IQCH: variants seen among roughly 807,000 people sequenced by gnomAD.
The protein encoded by IQCH is IQ motif containing H, also known as IQ domain-containing protein H.
A neutral mutation model predicts 117.0 loss-of-function variants in IQCH; 98 were observed. The observed-to-expected ratio is 0.84, with a 90% CI of 0.71 to 0.99. The LOEUF (loss-of-function observed/expected upper bound fraction) is 0.99. Among genes scored for constraint, IQCH ranks in the 50% least tolerant of loss-of-function variants. The probability of loss-of-function intolerance (pLI) is 0.00; values close to 1 mark genes in which losing one functional copy is unlikely to be tolerated. For missense variants in IQCH, 1,102 were observed against 1,243.8 expected, an observed-to-expected ratio of 0.89 and a Z score of 1.72; for synonymous variants, 412 against 448.2, an observed-to-expected ratio of 0.92 and a Z score of 1.02.
Position 67,395,491 on chromosome 15 carries a change from A to G in IQCH, c.1833A>G (p.Gly611=), listed in dbSNP as rs1971434691. 3.1e-6 allele frequency: 5 copies of G among 1,613,910 alleles called. No homozygotes were observed. The South Asian group carries it at 5.5e-5, about 18-fold the overall frequency. The change falls in exon 13 of 21, where the codon GGA becomes GGG. Residue 611 remains glycine (G), a synonymous_variant. Transcript: ENST00000335894. The surrounding 1 kb of genome is among the most constrained non-coding windows in gnomAD (Gnocchi z 4.0). The stretch of plus-strand genomic sequence containing the variant: ...CTCATCTTTATAGTACCAAATCTGG[A>G]GGCAAACGTGTCTTTGACAGTGCCA... The part of the protein sequence containing the change: ...ELAHLYSTKS[G]GKRVFDSANV...
chr15:67,260,523 A>G (rs1320303390), intron 1 of IQCH, among the ~76,000 whole-genome samples: 1 of 152,248 alleles, frequency 6.6e-6, no homozygotes, highest in African/African-American at 2.4e-5. Context: ...AGGCACTGAC[A>G]ACACATTTAC....
In IQCH at chr15:67,369,558, AAAGG is replaced by A. The variant is rs984729321; in HGVS notation, c.754-2547_754-2544del. On this transcript the variant is annotated intron_variant, in intron 8 of 20. Coordinates refer to ENST00000335894, the MANE Select transcript of IQCH (RefSeq NM_001031715.3). This position sits in a 1 kb window ranked among gnomAD's most constrained non-coding sequence, Gnocchi z 5.2. ...GGAAGGAGGGAGGGAGGAAGGAAGAAAAGGAAGGAGGGAGGAAAGAAGGCAGAGG... is the reference window on the plus strand; with the variant it reads ...GGAAGGAGGGAGGGAGGAAGGAAGAAAAGGAGGGAGGAAAGAAGGCAGAGG... Among the ~76,000 whole-genome samples the A allele has an allele frequency of 3.3e-5, 5 of 151,826 alleles. No individual in the cohort carries two copies. The highest frequency in any genetic ancestry group is 4.8e-5 in the African/African-American group (2 of 41,338).
intron 4 of IQCH, chr15:67,304,283 G>C (rs1967193294): frequency 1.2e-6 from 1 of 831,092 alleles, no homozygotes; most frequent in East Asian, 2.7e-5. Flanking sequence ...GATATAAAAT[G>C]TTAGTAAGCA....
In IQCH at chr15:67,456,807, C is replaced by T. The variant is rs182638271; in HGVS notation, c.2506-8320C>T. ...TTGAAAATCACGGAAGTCTTAGGTACGCCTGGCCCTGAGTGCTAAGTGGTG... is the reference window on the plus strand; with the variant it reads ...TTGAAAATCACGGAAGTCTTAGGTATGCCTGGCCCTGAGTGCTAAGTGGTG... On this transcript the variant is annotated intron_variant, in intron 16 of 20. Coordinates refer to ENST00000335894, the MANE Select transcript of IQCH (RefSeq NM_001031715.3). The surrounding 1 kb of genome is among the most constrained non-coding windows in gnomAD (Gnocchi z 5.1). Among the ~76,000 whole-genome samples the T allele has an allele frequency of 1.1e-4, 16 of 152,062 alleles. No individual in the cohort carries two copies. Among genetic ancestry groups the T allele is most frequent in the African/African-American group, 3.9e-4 (16 of 41,472 alleles).
rs1044148264 is a variant in IQCH, at chr15:67,366,967, G to T, written c.754-5144G>T. Among the ~76,000 whole-genome samples the T allele has an allele frequency of 6.6e-6, 1 of 152,056 alleles. No homozygotes were observed. The highest frequency in any genetic ancestry group is 6.6e-5 in the Admixed American group (1 of 15,256). On this transcript the variant is annotated intron_variant, in intron 8 of 20. Coordinates refer to ENST00000335894, the MANE Select transcript of IQCH (RefSeq NM_001031715.3). The surrounding 1 kb of genome is among the most constrained non-coding windows in gnomAD (Gnocchi z 4.4). ...CATTGGAGATAGTTGCCTTTGATTT[G>T]ATGGCTTTACTGGCTCCAGAAGTTT...
chr15:67,312,570 A>G (rs1355461747), intron 4 of IQCH, among the ~76,000 whole-genome samples: 1 of 152,160 alleles, frequency 6.6e-6, no homozygotes, highest in African/African-American at 2.4e-5. Flanking sequence ...CGTCTAGACT[A>G]CCAGCCCAGA....
In IQCH at chr15:67,391,278, G is replaced by A. The variant is rs1349629199; in HGVS notation, c.1632+2272G>A. On this transcript the variant is annotated intron_variant, in intron 12 of 20. Transcript: ENST00000335894. The surrounding 1 kb of genome is among the most constrained non-coding windows in gnomAD (Gnocchi z 4.3). ...AAATTATTTGAGTAATTACTCATAAGCAATCAACTTTTTAAAAATACAAAA... is the reference window on the plus strand; with the variant it reads ...AAATTATTTGAGTAATTACTCATAAACAATCAACTTTTTAAAAATACAAAA... Among the ~76,000 whole-genome samples, 2 of 152,174 alleles carry A rather than the reference G, an allele frequency of 1.3e-5. No homozygotes were observed. The highest frequency in any genetic ancestry group is 2.9e-5 in the Non-Finnish European group (2 of 68,032).
At chr15:67,418,323 G>A (rs1013067259) in intron 15 of IQCH, among the ~76,000 whole-genome samples, 11 of 152,078 alleles carry the variant, frequency 7.2e-5, no homozygotes, top group African/African-American at 2.4e-4. Context: ...ATTTAAGCAA[G>A]GGGTTGAATG....
intron 18 of IQCH, among the ~76,000 whole-genome samples, chr15:67,487,706 T>C (rs2083529964): frequency 6.6e-6 from 1 of 152,118 alleles, no homozygotes; most frequent in Non-Finnish European, 1.5e-5. Flanking sequence ...GCAGCCAGCG[T>C]TGGCAGCCAC....
rs866994987 is a variant in IQCH, at chr15:67,422,024, G to A, written c.2505+447G>A. Among the ~76,000 whole-genome samples, 2 of 151,940 alleles carry A rather than the reference G, an allele frequency of 1.3e-5. No homozygotes were observed. The highest frequency in any genetic ancestry group is 1.9e-4 in the East Asian group (1 of 5,176). On this transcript the variant is annotated intron_variant, in intron 16 of 20. Coordinates refer to ENST00000335894, the MANE Select transcript of IQCH (RefSeq NM_001031715.3). This position sits in a 1 kb window ranked among gnomAD's most constrained non-coding sequence, Gnocchi z 4.7. Reference sequence around the variant, plus strand: ...TGAGGCAGGAGAATCACTTGAACCCGGGAGGCAGAGGTTGCAATGAGCCGA... The same window carrying A: ...TGAGGCAGGAGAATCACTTGAACCCAGGAGGCAGAGGTTGCAATGAGCCGA...
chr15:67,337,191 A>G, intron 5 of IQCH, 96 bp downstream of exon 5: 2 of 1,395,988 alleles, frequency 1.4e-6, no homozygotes, highest in Non-Finnish European at 2.0e-6. Context: ...TGGCTCAGCC[A>G]CTAATTCTCC....
intron 12 of IQCH, among the ~76,000 whole-genome samples, chr15:67,392,837 A>T (rs7172956): frequency 0.017 from 2,546 of 151,456 alleles, 62 homozygotes; most frequent in African/African-American, 0.059. Flanking sequence ...GGCATATCGC[A>T]TAGATCTAAG....
At chr15:67,331,182 G>C (rs538482913) in intron 4 of IQCH, among the ~76,000 whole-genome samples, 10 of 152,220 alleles carry the variant, frequency 6.6e-5, no homozygotes, top group African/African-American at 2.4e-4. Flanking sequence ...CACAGCTAAC[G>C]AAAGCAAGGG....
chr15:67,428,370 G>A (rs2081940420), intron 16 of IQCH, among the ~76,000 whole-genome samples: 2 of 152,122 alleles, frequency 1.3e-5, no homozygotes, highest in Non-Finnish European at 2.9e-5. Context: ...ATTATTTCTG[G>A]ACAGCAAGAT....
rs113648499 is a variant in IQCH, at chr15:67,293,046, T to C, written c.387+13534T>C. Among the ~76,000 whole-genome samples, 3 of 152,320 alleles carry C rather than the reference T, an allele frequency of 2.0e-5. 1 individual carries two copies. The highest frequency in any genetic ancestry group is 7.2e-5 in the African/African-American group (3 of 41,562). ...GAACTATGGGTTAACATCCTGGCTCTATCACTTACTAGCTATACTTGGGCA... is the reference window on the plus strand; with the variant it reads ...GAACTATGGGTTAACATCCTGGCTCCATCACTTACTAGCTATACTTGGGCA... On this transcript the variant is annotated intron_variant, in intron 4 of 20. Coordinates refer to ENST00000335894, the MANE Select transcript of IQCH (RefSeq NM_001031715.3).
chr15:67,367,257 T>G (rs1970365601), intron 8 of IQCH, among the ~76,000 whole-genome samples: 1 of 152,144 alleles, frequency 6.6e-6, no homozygotes, highest in Non-Finnish European at 1.5e-5. Flanking sequence ...AAAAATGAGC[T>G]GAGTGCAGTG....
intron 7 of IQCH, among the ~76,000 whole-genome samples, chr15:67,357,928 G>A (rs372714588): frequency 2.6e-5 from 4 of 151,850 alleles, no homozygotes; most frequent in East Asian, 3.9e-4. Flanking sequence ...GCACTATGTC[G>A]ACTCACTGCA....
chr15:67,492,408 G>T (rs1429100935), intron 19 of IQCH, among the ~76,000 whole-genome samples: 1 of 152,174 alleles, frequency 6.6e-6, no homozygotes, highest in Non-Finnish European at 1.5e-5. Flanking sequence ...GCTGGGAGAG[G>T]TGAGCTCCCT....
At chr15:67,477,644 A>T (rs1004209027) in intron 18 of IQCH, among the ~76,000 whole-genome samples, 1 of 152,262 alleles carries the variant, frequency 6.6e-6, no homozygotes, top group African/African-American at 2.4e-5. Flanking sequence ...AATAGATTTT[A>T]ACCCCAAACT....
Sources: gnomAD v4.1 joint callset for allele counts (sites outside exome capture counted in the v4.1 genomes callset) on GRCh38, gnomAD v4.1.1 for gene constraint, Gnocchi (gnomAD v3.1) non-coding constraint, MANE v1.5 for transcripts, NCBI Gene and HGNC (gene_info 2026-07-23, HGNC 2026-07-21) for gene names.